Variants in SLC8A1 observed in about 807,000 individuals in gnomAD.
SLC8A1 encodes the protein solute carrier family 8 member A1.
A neutral mutation model predicts 68.3 loss-of-function variants in SLC8A1; 18 were observed. That is an observed-to-expected ratio of 0.26 (90% CI 0.18 to 0.39). The LOEUF (loss-of-function observed/expected upper bound fraction) is 0.39. Ranked by LOEUF, SLC8A1 falls within the 10% of genes least tolerant of loss-of-function variation. The pLI, the probability that SLC8A1 is intolerant of heterozygous loss-of-function variation, is 1.00. For synonymous variants in SLC8A1, 475 were observed against 415.5 expected, an observed-to-expected ratio of 1.14 and a Z score of -1.74; for missense variants, 985 against 1,156.7, an observed-to-expected ratio of 0.85 and a Z score of 2.15.
upstream of SLC8A1, among the ~76,000 whole-genome samples, chr2:40,455,679 A>G (rs1307155714): frequency 6.6e-6 from 1 of 152,228 alleles, no homozygotes; most frequent in Non-Finnish European, 1.5e-5. Flanking sequence ...GCTGATGAGT[A>G]GATCCAGGGT....
intron 1 of SLC8A1, among the ~76,000 whole-genome samples, chr2:40,465,309 A>G (rs1703601146): frequency 6.7e-6 from 1 of 149,500 alleles, no homozygotes; most frequent in Non-Finnish European, 1.5e-5. Context: ...TGAGGAACCT[A>G]TTACATATAT....
intron 6 of SLC8A1, among the ~76,000 whole-genome samples, chr2:40,143,609 C>A (rs1350676336): frequency 1.3e-5 from 2 of 152,090 alleles, no homozygotes; most frequent in African/African-American, 4.8e-5. Context: ...TTAAATATAA[C>A]TACAAAAGTA....
chr2:40,277,110 T>A (rs1299471136), intron 2 of SLC8A1, among the ~76,000 whole-genome samples: 1 of 152,234 alleles, frequency 6.6e-6, no homozygotes, highest in Non-Finnish European at 1.5e-5. Context: ...AGAAAGTTAC[T>A]ATAATAAAAA....
At chr2:40,345,547 G>T (rs1050006318) in intron 2 of SLC8A1, among the ~76,000 whole-genome samples, 1 of 151,968 alleles carries the variant, frequency 6.6e-6, no homozygotes, top group Non-Finnish European at 1.5e-5. Flanking sequence ...TCCCAGAGTT[G>T]TTAATAAATG....
At chr2:40,214,918 T>C (rs759184873) in intron 2 of SLC8A1, among the ~76,000 whole-genome samples, 17 of 152,188 alleles carry the variant, frequency 1.1e-4, no homozygotes, top group Non-Finnish European at 1.9e-4. Context: ...GATTTTCCTT[T>C]CTATGGATAT....
chr2:40,415,599 G>T (rs1559588424), intron 2 of SLC8A1, among the ~76,000 whole-genome samples: 1 of 152,076 alleles, frequency 6.6e-6, no homozygotes, highest in South Asian at 2.1e-4. Flanking sequence ...AAAAGGATAG[G>T]ATGTGGGTAG....
chr2:40,500,407 A>T (rs911479957), intron 1 of SLC8A1, among the ~76,000 whole-genome samples: 1 of 152,126 alleles, frequency 6.6e-6, no homozygotes, highest in African/African-American at 2.4e-5. Flanking sequence ...CCCAAGACAG[A>T]TTAACTTATT....
At chr2:40,281,417 G>T (rs915064439) in intron 2 of SLC8A1, among the ~76,000 whole-genome samples, 2 of 152,174 alleles carry the variant, frequency 1.3e-5, no homozygotes, top group African/African-American at 2.4e-5. Context: ...GTTGAAAGGT[G>T]CTATAAACAG....
At chr2:40,451,622 G>C (rs1221084276) in intron 1 of SLC8A1, among the ~76,000 whole-genome samples, 1 of 151,856 alleles carries the variant, frequency 6.6e-6, no homozygotes, top group Non-Finnish European at 1.5e-5. Context: ...TCTTCCTCCG[G>C]CAGCCTGCAC....
chr2:40,227,240 C>A (rs1007821569), intron 2 of SLC8A1, among the ~76,000 whole-genome samples: 2 of 127,732 alleles, frequency 1.6e-5, no homozygotes, highest in African/African-American at 5.7e-5. Flanking sequence ...AAATTATTTC[C>A]AACCTGAAAA....
intron 2 of SLC8A1, among the ~76,000 whole-genome samples, chr2:40,340,794 T>C (rs945492121): frequency 6.6e-6 from 1 of 152,174 alleles, no homozygotes; most frequent in Admixed American, 6.5e-5. Flanking sequence ...AAATTCATCA[T>C]GCAGGTAAGC....
At chr2:40,288,961 A>C (rs1048346879) in intron 2 of SLC8A1, among the ~76,000 whole-genome samples, 56 of 151,376 alleles carry the variant, frequency 3.7e-4, no homozygotes, top group Non-Finnish European at 1.5e-4. Context: ...TGGCCTCCCA[A>C]AATGTCAGTA....
chr2:40,203,698 T>C (rs1027506816), intron 2 of SLC8A1, among the ~76,000 whole-genome samples: 2 of 151,948 alleles, frequency 1.3e-5, no homozygotes, highest in Non-Finnish European at 2.9e-5. Context: ...GCCTGCATTC[T>C]AATATGGTGA....
intron 2 of SLC8A1, among the ~76,000 whole-genome samples, chr2:40,207,722 T>C (rs1464995847): frequency 6.6e-6 from 1 of 152,154 alleles, no homozygotes; most frequent in Non-Finnish European, 1.5e-5. Context: ...ATGGGAATCA[T>C]GTCTTCTGGA....
intron 2 of SLC8A1, among the ~76,000 whole-genome samples, chr2:40,274,599 A>G (rs1005534037): frequency 1.3e-5 from 2 of 152,236 alleles, no homozygotes. Context: ...TGATACAAGC[A>G]TATCAACAGG....
At chr2:40,497,867 T>G (rs895046674) in intron 1 of SLC8A1, among the ~76,000 whole-genome samples, 2 of 152,102 alleles carry the variant, frequency 1.3e-5, no homozygotes, top group Admixed American at 1.3e-4. Context: ...ATAAAACTTG[T>G]GTTTTAGCAA....
At chr2:40,137,416 T>A (rs17025221) in intron 7 of SLC8A1, among the ~76,000 whole-genome samples, 14,230 of 152,214 alleles carry the variant, frequency 0.093, 965 homozygotes, top group East Asian at 0.27. Flanking sequence ...TTTGCCTTTA[T>A]GATCATTATT....
chr2:40,363,363 G>C (rs1675148579), intron 2 of SLC8A1, among the ~76,000 whole-genome samples: 1 of 144,082 alleles, frequency 6.9e-6, no homozygotes, highest in Non-Finnish European at 1.5e-5. Flanking sequence ...GATGATGATA[G>C]CACTAACATT....
At chr2:40,219,806 C>A (rs2058048380) in intron 2 of SLC8A1, among the ~76,000 whole-genome samples, 1 of 96,242 alleles carries the variant, frequency 1.0e-5, no homozygotes, top group Non-Finnish European at 2.6e-5. Context: ...GAGAGATGTG[C>A]TTTGTTTGCT....
Sources: gnomAD v4.1 joint callset for allele counts (sites outside exome capture counted in the v4.1 genomes callset) on GRCh38, gnomAD v4.1.1 for gene constraint, MANE v1.5 for transcripts, NCBI Gene and HGNC (gene_info 2026-07-23, HGNC 2026-07-21) for gene names.